Variants in MGAT5 observed in about 807,000 individuals in gnomAD.
MGAT5 encodes alpha-1,6-mannosylglycoprotein 6-beta-N-acetylglucosaminyltransferase.
In MGAT5, 30 loss-of-function variants were observed where a neutral mutation model predicts 94.3. The ratio of observed to expected loss-of-function variants is 0.32; its 90% CI spans 0.24 to 0.43. The LOEUF (loss-of-function observed/expected upper bound fraction) is 0.43. MGAT5 is among the 20% of genes least tolerant of loss of function. The pLI, the probability that MGAT5 is intolerant of heterozygous loss-of-function variation, is 1.00. For synonymous variants in MGAT5, 310 were observed against 322.9 expected (o/e 0.96, Z 0.43); for missense variants, 691 against 905.5 (o/e 0.76, Z 3.04).
chr2:134,145,204 G>GTCTCTC (rs368067585), intron 1 of MGAT5, among the ~76,000 whole-genome samples: 13 of 148,440 alleles, frequency 8.8e-5, no homozygotes, highest in African/African-American at 3.0e-4. Context: ...GTGTGTGTGT[G>GTCTCTC]TCTCTCTCTC....
At chr2:134,224,729 A>G (rs2105367693) in intron 1 of MGAT5, among the ~76,000 whole-genome samples, 1 of 152,258 alleles carries the variant, frequency 6.6e-6, no homozygotes, top group South Asian at 2.1e-4. Context: ...TTGATTGCTA[A>G]TAGACCGTTA....
rs1274984972 is a variant in MGAT5 at position 134,422,883 on chromosome 2, A to AGT, written c.1759_1760dup (p.Glu588Ter). On this transcript the variant is annotated frameshift_variant, in exon 13 of 16. Transcript: ENST00000281923. LOFTEE classifies it high-confidence loss of function. ...CTGTTGACCTCAACAATCAGGAGGAAGTAGAGGATGCAGTGAAAGCAATTT... is the reference window on the plus strand; with the variant it reads ...CTGTTGACCTCAACAATCAGGAGGAAGTGTAGAGGATGCAGTGAAAGCAATTT... 1 of 1,613,694 alleles carries AGT rather than the reference A, an allele frequency of 6.2e-7. No homozygotes were observed. Among genetic ancestry groups the AGT allele is most frequent in the Non-Finnish European group, 8.5e-7 (1 of 1,179,756 alleles).
chr2:134,444,645 A>T (rs550146033), intron 15 of MGAT5, among the ~76,000 whole-genome samples: 93 of 152,288 alleles, frequency 6.1e-4, no homozygotes, highest in Middle Eastern at 6.8e-3. Context: ...TGCATCTCCA[A>T]CTTGGAGCCT....
intron 5 of MGAT5, among the ~76,000 whole-genome samples, chr2:134,337,553 T>G (rs1419082781): frequency 6.6e-6 from 1 of 152,190 alleles, no homozygotes; most frequent in Non-Finnish European, 1.5e-5. Context: ...ACTCAGCATG[T>G]TTGAGATGTT....
In MGAT5 at chr2:134,454,305, T is replaced by G. The variant is rs1042172270; in HGVS notation, c.*5458T>G. ...TGAGAGGGAGCGAACTTGGGAAGCA[T>G]TTTGCTCATTGTCCTACCCAAGTAT... is the stretch of plus-strand genomic sequence containing the variant. On this transcript the variant is annotated 3_prime_UTR_variant, in exon 16 of 16. Coordinates refer to ENST00000281923, the MANE Select transcript of MGAT5 (RefSeq NM_002410.5). 2 of 152,166 alleles carry G rather than the reference T, an allele frequency of 1.3e-5. No individual in the cohort carries two copies. The highest frequency in any genetic ancestry group is 4.8e-5 in the African/African-American group (2 of 41,414). The allele number at this position is 152,166 out of a possible 1,614,324, so 9.4% of individuals were successfully genotyped here.
chr2:134,262,313 T>C (rs1464311719), intron 1 of MGAT5, among the ~76,000 whole-genome samples: 1 of 152,234 alleles, frequency 6.6e-6, no homozygotes, highest in African/African-American at 2.4e-5. Context: ...GATCAGGCTC[T>C]AGCAACCTCC....
chr2:134,182,450 G>A (rs892545958), intron 1 of MGAT5, among the ~76,000 whole-genome samples: 6 of 152,146 alleles, frequency 3.9e-5, no homozygotes, highest in African/African-American at 1.4e-4. Flanking sequence ...GACCCATGAT[G>A]GTCTTTGTGA....
chr2:134,301,580 G>T (rs372773394), intron 2 of MGAT5, among the ~76,000 whole-genome samples: 2 of 152,208 alleles, frequency 1.3e-5, no homozygotes, highest in African/African-American at 4.8e-5. Context: ...AAATCAGAGA[G>T]GCAGAACTGC....
intron 10 of MGAT5, among the ~76,000 whole-genome samples, chr2:134,395,081 C>T (rs1049078538): frequency 6.6e-6 from 1 of 152,140 alleles, no homozygotes; most frequent in Non-Finnish European, 1.5e-5. Context: ...TTCAACCTAC[C>T]AGCCTGTTTT....
intron 1 of MGAT5, among the ~76,000 whole-genome samples, chr2:134,150,839 G>A (rs564707699): frequency 1.8e-4 from 27 of 152,336 alleles, no homozygotes; most frequent in African/African-American, 5.3e-4. Flanking sequence ...GTGTGGCCTG[G>A]TAATGAATAT....
intron 1 of MGAT5, among the ~76,000 whole-genome samples, chr2:134,201,400 C>T (rs1364416429): frequency 6.6e-6 from 1 of 152,028 alleles, no homozygotes; most frequent in Admixed American, 6.6e-5. Flanking sequence ...TTTTCTGTAT[C>T]TTTTCTATTT....
At chr2:134,429,973 G>T (rs535976872) in intron 14 of MGAT5, among the ~76,000 whole-genome samples, 1 of 152,326 alleles carries the variant, frequency 6.6e-6, no homozygotes, top group Middle Eastern at 3.4e-3. Flanking sequence ...ACAGTTTGAT[G>T]TGAGGCCAAG....
At chr2:134,197,588 A>C (rs977793459) in intron 1 of MGAT5, among the ~76,000 whole-genome samples, 1 of 150,660 alleles carries the variant, frequency 6.6e-6, no homozygotes, top group South Asian at 2.1e-4. Flanking sequence ...AAAGGAAAGT[A>C]TGAAGGATTT....
At chr2:134,198,010 C>T (rs1021681562) in intron 1 of MGAT5, among the ~76,000 whole-genome samples, 2 of 152,096 alleles carry the variant, frequency 1.3e-5, no homozygotes, top group African/African-American at 4.8e-5. Flanking sequence ...AATTCCTGCT[C>T]CTATGGAAGA....
At chr2:134,411,160 A>T (rs1683633429) in intron 11 of MGAT5, among the ~76,000 whole-genome samples, 1 of 152,136 alleles carries the variant, frequency 6.6e-6, no homozygotes, top group African/African-American at 2.4e-5. Context: ...TCCAGGCCAC[A>T]CCCTATAGTT....
intron 10 of MGAT5, among the ~76,000 whole-genome samples, chr2:134,396,590 T>G (rs1561454): frequency 0.96 from 145,963 of 152,274 alleles, 70,139 homozygotes; most frequent in South Asian, 1. Flanking sequence ...TTAGGTAGTC[T>G]TGGACTTTAA....
At chr2:134,281,662 C>A (rs1397197350) in intron 2 of MGAT5, among the ~76,000 whole-genome samples, 1 of 152,174 alleles carries the variant, frequency 6.6e-6, no homozygotes, top group African/African-American at 2.4e-5. Flanking sequence ...CTTGTCACAG[C>A]AAACTTAAGC....
rs190046812 is a variant in MGAT5 at position 134,303,498 on chromosome 2, G to A, written c.407-14031G>A. 3.4e-3 allele frequency among the ~76,000 whole-genome samples: 513 copies of A among 152,262 alleles called. 7 individuals carry two copies. Among genetic ancestry groups the A allele is most frequent in the Middle Eastern group, 0.017 (5 of 294 alleles). On this transcript the variant is annotated intron_variant, in intron 2 of 15. Coordinates refer to ENST00000281923, the MANE Select transcript of MGAT5 (RefSeq NM_002410.5). ...ACTTGCTTTTATGATTTGTTAGGGTGTGTCTGTTTCCATTTTTTTCCCTAG... is the reference window on the plus strand; with the variant it reads ...ACTTGCTTTTATGATTTGTTAGGGTATGTCTGTTTCCATTTTTTTCCCTAG...
chr2:134,425,309 T>C (rs894990620), intron 13 of MGAT5, among the ~76,000 whole-genome samples: 5 of 152,208 alleles, frequency 3.3e-5, no homozygotes, highest in Admixed American at 3.3e-4. Flanking sequence ...CAATAGGCCA[T>C]GGTAAACGTT....
Sources: gnomAD v4.1 joint callset for allele counts (sites outside exome capture counted in the v4.1 genomes callset) on GRCh38, gnomAD v4.1.1 for gene constraint, MANE v1.5 for transcripts, NCBI Gene and HGNC (gene_info 2026-07-23, HGNC 2026-07-21) for gene names.